MYO10: variants seen among roughly 807,000 people sequenced by gnomAD.
MYO10 encodes myosin X, also known as unconventional myosin-X.
Under a neutral mutation model 257.3 loss-of-function variants are expected in MYO10, and 133 were observed. The ratio of observed to expected loss-of-function variants is 0.52; its 90% CI spans 0.45 to 0.60. The LOEUF is 0.60. Among genes scored for constraint, MYO10 ranks in the 20% least tolerant of loss-of-function variants. The probability of loss-of-function intolerance (pLI) is 0.00; values close to 1 mark genes in which losing one functional copy is unlikely to be tolerated. For missense variants in MYO10, 2,399 were observed against 2,635.7 expected (o/e 0.91, Z 1.97); for synonymous variants, 1,104 against 1,028.6 (o/e 1.07, Z -1.40).
At chr5:16,897,985 A>C (rs956744284) in intron 1 of MYO10, among the ~76,000 whole-genome samples, 10 of 152,192 alleles carry the variant, frequency 6.6e-5, no homozygotes, top group Non-Finnish European at 1.5e-4. Context: ...TGTTCTAAGA[A>C]AGAGCTGGTC....
chr5:16,877,516 G>T (rs1744638242), intron 2 of MYO10, 93 bp downstream of exon 2: 1 of 888,120 alleles, frequency 1.1e-6, no homozygotes, highest in Non-Finnish European at 1.8e-6. Context: ...TAAAGCGTGT[G>T]TATGTGTAGG....
chr5:16,855,193 C>T (rs1018356494), intron 2 of MYO10, among the ~76,000 whole-genome samples: 6 of 152,122 alleles, frequency 3.9e-5, no homozygotes, highest in African/African-American at 1.2e-4. Context: ...AAATCTCCAT[C>T]AAAGATAGCA....
At position 16,818,651 on chromosome 5, in the gene MYO10, T is replaced by G. The variant is rs529644210; in HGVS notation, c.121-484A>C. On this transcript the variant is annotated intron_variant, in intron 2 of 40. Transcript: ENST00000513610. ...CAGGGTTTTGTCATGTTGCCCAGGCTGGTCTCAAACCCCTGGGCTCAAGCA... is the reference window on the plus strand; with the variant it reads ...CAGGGTTTTGTCATGTTGCCCAGGCGGGTCTCAAACCCCTGGGCTCAAGCA... Among the ~76,000 whole-genome samples, 11 of 151,802 alleles carry G rather than the reference T, an allele frequency of 7.2e-5. No homozygotes were observed. In the South Asian group the frequency reaches 2.3e-3, roughly 32 times the overall value.
chr5:16,698,511 G>C (rs1330054659), intron 26 of MYO10, among the ~76,000 whole-genome samples: 1 of 152,072 alleles, frequency 6.6e-6, no homozygotes, highest in Non-Finnish European at 1.5e-5. Flanking sequence ...TCATGAAGTA[G>C]GTATGGTGAG....
intron 1 of MYO10, among the ~76,000 whole-genome samples, chr5:16,918,357 C>A (rs1415384517): frequency 6.6e-6 from 1 of 152,084 alleles, no homozygotes; most frequent in African/African-American, 2.4e-5. Context: ...TACACTTTCC[C>A]TCAATATTGC....
At chr5:16,828,813 T>C (rs1455925396) in intron 2 of MYO10, among the ~76,000 whole-genome samples, 1 of 152,000 alleles carries the variant, frequency 6.6e-6, no homozygotes. Context: ...ACTCCCGGGC[T>C]CAAGCAGTCC....
At chr5:16,856,235 TCAACACAGATATTTGCAAA>T (rs1743957322) in intron 2 of MYO10, among the ~76,000 whole-genome samples, 2 of 152,250 alleles carry the variant, frequency 1.3e-5, no homozygotes, top group South Asian at 2.1e-4. Context: ...GGAAAATGTG[TCAACACAGATATTTGCAAA>T]TTCTAAAGAA....
chr5:16,802,668 A>AG (rs1227889627), intron 3 of MYO10, among the ~76,000 whole-genome samples: 15 of 151,322 alleles, frequency 9.9e-5, no homozygotes, highest in Middle Eastern at 6.9e-3. Flanking sequence ...AAAAAAAAAA[A>AG]AAAAAGAAAG....
At chr5:16,880,951 T>TG (rs1744740690) in intron 1 of MYO10, among the ~76,000 whole-genome samples, 1 of 152,222 alleles carries the variant, frequency 6.6e-6, no homozygotes, top group African/African-American at 2.4e-5. Flanking sequence ...TGTCAGGGAC[T>TG]GCAATATTTG....
intron 23 of MYO10, 45 bp downstream of exon 23, chr5:16,702,880 C>A (rs1383591693): frequency 1.3e-6 from 2 of 1,504,928 alleles, no homozygotes; most frequent in Middle Eastern, 1.7e-4. Context: ...GCACAGCACT[C>A]AAAATGTATC....
At position 16,711,235 on chromosome 5, in the gene MYO10, T is replaced by C. The variant is rs1738592165; in HGVS notation, c.1940A>G (p.Gln647Arg). ...IKPNMQKMPD[Q>R]FDQAVVLNQL... is the part of the protein sequence containing the mutation. Reference sequence around the variant, plus strand: ...GTTCAGCACAACCGCCTGGTCAAACTGGTCTGGCATCTAAACCATGCAAAA... The same window carrying C: ...GTTCAGCACAACCGCCTGGTCAAACCGGTCTGGCATCTAAACCATGCAAAA... Residue 647 changes from glutamine to arginine, a missense_variant, in exon 20 of 41, where the codon CAG becomes CGG. By Grantham distance (43) the Gln-to-Arg change is conservative. Transcript: ENST00000513610. The C allele has an allele frequency of 2.5e-6, 4 of 1,604,846 alleles. No homozygotes were observed. Among genetic ancestry groups the C allele is most frequent in the Non-Finnish European group, 3.4e-6 (4 of 1,177,294 alleles).
chr5:16,779,755 C>T, intron 8 of MYO10, 107 bp from the exon 9 acceptor site: 1 of 642,284 alleles, frequency 1.6e-6, no homozygotes, highest in Non-Finnish European at 2.7e-6. Context: ...GTGCTCTTAA[C>T]AGTCTCCCAT....
chr5:16,761,833 G>C (rs980738207), intron 16 of MYO10, among the ~76,000 whole-genome samples: 2 of 151,748 alleles, frequency 1.3e-5, no homozygotes, highest in Non-Finnish European at 2.9e-5. Context: ...AAAATATCTT[G>C]TAAGATGTTT....
intron 1 of MYO10, among the ~76,000 whole-genome samples, chr5:16,909,624 C>T (rs1580140433): frequency 2.0e-5 from 3 of 152,078 alleles, no homozygotes; most frequent in South Asian, 2.1e-4. Context: ...GTCCCTCCAA[C>T]GACACATGGG....
At chr5:16,752,946 G>T (rs1740422706) in intron 19 of MYO10, among the ~76,000 whole-genome samples, 1 of 152,090 alleles carries the variant, frequency 6.6e-6, no homozygotes, top group South Asian at 2.1e-4. Context: ...GGAAAGATGG[G>T]TTACTTTTTA....
intron 21 of MYO10, among the ~76,000 whole-genome samples, chr5:16,708,364 C>T (rs1000417028): frequency 6.6e-6 from 1 of 152,168 alleles, no homozygotes; most frequent in Non-Finnish European, 1.5e-5. Context: ...CTGAGGACAA[C>T]GCCCATGTCT....
intron 24 of MYO10, 102 bp downstream of exon 24, chr5:16,702,440 GT>G (rs1392212957): frequency 9.0e-7 from 1 of 1,106,830 alleles, no homozygotes; most frequent in Non-Finnish European, 1.3e-6. Flanking sequence ...TGTTCTTCCT[GT>G]TATCTTTCTA....
At position 16,666,554 on chromosome 5, in the gene MYO10, C is replaced by G; in HGVS notation, c.*138G>C. On this transcript the variant is annotated 3_prime_UTR_variant, in exon 41 of 41. Transcript: ENST00000513610. ...CGGCAGGCAAAAGGATCCTCGGAGA[C>G]ACCTCCCTCAGACCAGAAGCTTCCA... 2 of 655,004 alleles carry G rather than the reference C, an allele frequency of 3.1e-6. No homozygotes were observed. The highest frequency in any genetic ancestry group is 5.1e-6 in the Non-Finnish European group (2 of 389,462). 40.6% of individuals were successfully genotyped at this position (655,004 alleles called of 1,614,324 possible).
At chr5:16,761,821 A>T (rs1740720886) in intron 16 of MYO10, among the ~76,000 whole-genome samples, 1 of 151,876 alleles carries the variant, frequency 6.6e-6, no homozygotes, top group African/African-American at 2.4e-5. Context: ...CTAACTTTTT[A>T]AAAAATATCT....
Sources: allele counts gnomAD v4.1 joint callset (sites outside exome capture counted in the v4.1 genomes callset), GRCh38; gene constraint gnomAD v4.1.1; transcripts MANE v1.5; gene names NCBI Gene and HGNC (gene_info 2026-07-23, HGNC 2026-07-21).